EFHB: variants seen among roughly 807,000 people sequenced by gnomAD.
The protein encoded by EFHB is EF-hand domain family member B, also known as EF-hand domain-containing family member B.
Under a neutral mutation model 87.2 loss-of-function variants are expected in EFHB, and 91 were observed. The ratio of observed to expected loss-of-function variants is 1.04; its 90% CI spans 0.88 to 1.24. The LOEUF (loss-of-function observed/expected upper bound fraction) is 1.24. Ranked by LOEUF, EFHB falls within the 50% of genes most tolerant of loss-of-function variation. The pLI is 0.00. For missense variants in EFHB, 1,084 were observed against 998.8 expected, an observed-to-expected ratio of 1.09 and a Z score of -1.15; for synonymous variants, 325 against 333.6, an observed-to-expected ratio of 0.97 and a Z score of 0.28.
At chr3:19,898,972 A>C in intron 7 of EFHB, 127 bp from the exon 8 acceptor site, 2 of 848,270 alleles carry the variant, frequency 2.4e-6, no homozygotes, top group Non-Finnish European at 3.7e-6. Context: ...AAGATCAAAC[A>C]AAAGTTCTCC....
chr3:19,908,579 AGAGAGAGAGAGAGAGAGAG>A (rs1694926444), intron 5 of EFHB, among the ~76,000 whole-genome samples: 2 of 113,872 alleles, frequency 1.8e-5, no homozygotes, highest in African/African-American at 8.2e-5. Flanking sequence ...AGAGAGAGAG[AGAGAGAGAGAGAGAGAGAG>A]AGAAAGAAAG....
At chr3:19,912,899 T>G (rs1374917987) in intron 5 of EFHB, among the ~76,000 whole-genome samples, 2 of 152,202 alleles carry the variant, frequency 1.3e-5, no homozygotes, top group African/African-American at 4.8e-5. Context: ...CAATGGGATA[T>G]ATCATATCAA....
At position 19,943,535 on chromosome 3, in the gene EFHB, C is replaced by A. The variant is rs185770530; in HGVS notation, c.-32+3384G>T. Among the ~76,000 whole-genome samples the A allele has an allele frequency of 4.1e-4, 63 of 151,898 alleles. 1 individual carries two copies. The highest frequency in any genetic ancestry group is 1.5e-3 in the African/African-American group (61 of 41,404). On this transcript the variant is annotated intron_variant, in intron 1 of 14. Coordinates refer to the EFHB transcript ENST00000344838. The stretch of plus-strand genomic sequence containing the variant: ...GGGAATACAGTTAGCCCTCTGTATT[C>A]CATCGAAAGTATTTGAGTTAAAAAA...
intron 7 of EFHB, 71 bp downstream of exon 7, chr3:19,899,361 C>G: frequency 9.1e-7 from 1 of 1,094,344 alleles, no homozygotes; most frequent in South Asian, 1.7e-5. Flanking sequence ...GGCACACCAA[C>G]AGTTACCACA....
chr3:19,888,696 A>G (rs763182761), intron 9 of EFHB, 45 bp from the exon 10 acceptor site: 1 of 1,474,774 alleles, frequency 6.8e-7, no homozygotes, highest in Non-Finnish European at 9.3e-7. Flanking sequence ...AGTTGTCTTC[A>G]AGAGCAGAGT....
chr3:19,896,527 C>G, intron 9 of EFHB, 160 bp downstream of exon 9: 1 of 988,518 alleles, frequency 1.0e-6, no homozygotes, highest in Non-Finnish European at 1.6e-6. Context: ...ATACTGAAAA[C>G]AACACAGGCG....
intron 10 of EFHB, 47 bp downstream of exon 10, chr3:19,888,397 A>T (rs1694182391): frequency 1.8e-6 from 2 of 1,113,098 alleles, no homozygotes. Flanking sequence ...AATAAATTTT[A>T]AAATTTAAAA....
intron 1 of EFHB, chr3:19,940,415 C>A: frequency 2.3e-6 from 1 of 444,350 alleles, no homozygotes; most frequent in Non-Finnish European, 4.5e-6. Flanking sequence ...TGTTCAAATT[C>A]TTCCTTCTCA....
intron 5 of EFHB, among the ~76,000 whole-genome samples, chr3:19,908,618 A>AGAGGG (rs1694945012): frequency 7.4e-6 from 1 of 134,760 alleles, no homozygotes; most frequent in African/African-American, 3.0e-5. Flanking sequence ...GAAAGAAAGA[A>AGAGGG]AGAAAGAAAG....
Position 19,884,531 on chromosome 3 carries a change from A to G in EFHB, c.2018T>C (p.Val673Ala), listed in dbSNP as rs1307080672. ...QTLLIKPEDI[V>A]LKEAGSTEKT... ...TTCTGTGCTTCCTGCTTCTTTTAAG[A>G]CAATATCTTCTGGCTTTATGAGGAG... The change falls in exon 11 of 13, where the codon GTC becomes GCC. Residue 673 changes from valine to alanine, a missense_variant. Physicochemically the swap from Val to Ala is moderately conservative, Grantham distance 64. Coordinates refer to ENST00000295824, the MANE Select transcript of EFHB (RefSeq NM_144715.4). The G allele has an allele frequency of 6.2e-7, 1 of 1,613,982 alleles. No individual in the cohort carries two copies. Among genetic ancestry groups the G allele is most frequent in the Non-Finnish European group, 8.5e-7 (1 of 1,179,894 alleles).
upstream of EFHB, among the ~76,000 whole-genome samples, chr3:19,937,889 G>C (rs777376808): frequency 6.6e-6 from 1 of 152,134 alleles, no homozygotes; most frequent in African/African-American, 2.4e-5. Flanking sequence ...GTGACTGTCA[G>C]TGCTTCTGTC....
At chr3:19,930,627 G>C (rs1451699504) in intron 1 of EFHB, among the ~76,000 whole-genome samples, 1 of 152,008 alleles carries the variant, frequency 6.6e-6, no homozygotes, top group Non-Finnish European at 1.5e-5. Context: ...TATTTTTAGA[G>C]ACAGGATCTC....
intron 7 of EFHB, among the ~76,000 whole-genome samples, chr3:19,899,220 C>G (rs1021942089): frequency 2.6e-5 from 4 of 152,344 alleles, no homozygotes; most frequent in East Asian, 3.9e-4. Flanking sequence ...TTATCCCTCT[C>G]TCTTCTCCAG....
chr3:19,938,546 T>C (rs904561826), upstream of EFHB, among the ~76,000 whole-genome samples: 3 of 152,192 alleles, frequency 2.0e-5, no homozygotes, highest in African/African-American at 7.2e-5. Flanking sequence ...TACAATTACT[T>C]TGATTTTCTG....
intron 10 of EFHB, among the ~76,000 whole-genome samples, chr3:19,885,346 G>T (rs76875853): frequency 1.3e-5 from 2 of 152,056 alleles, no homozygotes; most frequent in Non-Finnish European, 1.5e-5. Context: ...CTACTTGACT[G>T]GGGGGAGCAT....
At chr3:19,918,558 T>A in intron 3 of EFHB, 146 bp from the exon 4 acceptor site, 1 of 790,114 alleles carries the variant, frequency 1.3e-6, no homozygotes, top group Non-Finnish European at 1.9e-6. Context: ...CACCTTCAAA[T>A]GAACTGTCAG....
rs1487300125 is a variant in EFHB at position 19,882,661 on chromosome 3, G to T, written c.2217C>A (p.Asp739Glu). The T allele has an allele frequency of 6.2e-7, 1 of 1,613,726 alleles. No individual in the cohort carries two copies. The highest frequency in any genetic ancestry group is 1.7e-5 in the Admixed American group (1 of 59,990). ...TACCTTCTTCACCATAATTAGTTCTGTCACTGATGCGACGAATTCGGGGAG... is the reference window on the plus strand; with the variant it reads ...TACCTTCTTCACCATAATTAGTTCTTTCACTGATGCGACGAATTCGGGGAG... The part of the protein sequence containing the change: ...IPAPRIRRIS[D>E]RTNYGEEGSA... The change falls in exon 12 of 13, where the codon GAC (aspartate) becomes GAA (glutamate). Residue 739 changes from aspartate (D) to glutamate (E), a missense_variant. By Grantham distance (45) the Asp-to-Glu change is conservative. Transcript: ENST00000295824.
rs138324388 is a variant in EFHB, at chr3:19,946,722, G to A, written c.-32+197C>T. 5.8e-3 allele frequency among the ~76,000 whole-genome samples: 882 copies of A among 152,254 alleles called. 5 individuals are homozygous for A. The highest frequency in any genetic ancestry group is 0.02 in the Middle Eastern group (6 of 294). On this transcript the variant is annotated intron_variant, in intron 1 of 14. Coordinates refer to the EFHB transcript ENST00000344838. ...TTCCCTCTAATAAAGCCCCTTAGCC[G>A]AGATGCCAGGATTGGGGTTAGGGAA...
chr3:19,933,386 T>C lies in EFHB; in HGVS notation c.633A>G (p.Gln211=), dbSNP rs752304969. 5.6e-6 allele frequency: 9 copies of C among 1,614,012 alleles called. No individual in the cohort carries two copies. Among genetic ancestry groups the C allele is most frequent in the Non-Finnish European group, 7.6e-6 (9 of 1,179,884 alleles). ...GPDETKNTEP[Q]MGLVIEPPQC... ...GGGGAGGTTCTATCACCAAGCCCAT[T>C]TGGGGCTCTGTATTCTTAGTCTCAT... The change falls in exon 1 of 13, where the codon CAA becomes CAG. Residue 211 remains glutamine, a synonymous_variant. Coordinates refer to ENST00000295824, the MANE Select transcript of EFHB (RefSeq NM_144715.4).
Sources: allele counts gnomAD v4.1 joint callset (sites outside exome capture counted in the v4.1 genomes callset), GRCh38; gene constraint gnomAD v4.1.1; transcripts MANE v1.5; gene names NCBI Gene and HGNC (gene_info 2026-07-23, HGNC 2026-07-21).